FRMD4A: variants seen among roughly 807,000 people sequenced by gnomAD.
The protein encoded by FRMD4A is FERM domain containing 4A, also known as FERM domain-containing protein 4A.
In FRMD4A, 29 loss-of-function variants were observed where a neutral mutation model predicts 129.1. The observed-to-expected ratio is 0.22, with a 90% CI of 0.17 to 0.31. FRMD4A has a LOEUF of 0.31. Among genes scored for constraint, FRMD4A ranks in the 10% least tolerant of loss-of-function variants. FRMD4A has a pLI of 1.00. For missense variants in FRMD4A, 1,272 were observed against 1,375.8 expected (o/e 0.92, Z 1.19); for synonymous variants, 634 against 571.6 (o/e 1.11, Z -1.56).
intron 2 of FRMD4A, among the ~76,000 whole-genome samples, chr10:13,974,986 T>C (rs2095536363): frequency 6.6e-6 from 1 of 151,626 alleles, no homozygotes; most frequent in South Asian, 2.1e-4. Context: ...TATAGGTGTG[T>C]GTGTGTGTGT....
intron 2 of FRMD4A, among the ~76,000 whole-genome samples, chr10:14,195,212 T>G (rs1275817456): frequency 6.6e-6 from 1 of 152,208 alleles, no homozygotes; most frequent in Non-Finnish European, 1.5e-5. Context: ...TTATTTTTGC[T>G]TGAGTGGAAA....
chr10:13,659,553 G>A, intron 20 of FRMD4A, 63 bp from the exon 21 acceptor site: 1 of 1,502,182 alleles, frequency 6.7e-7, no homozygotes, highest in African/African-American at 1.4e-5. Context: ...TGGGGGGCTG[G>A]CTAGTTCAGG....
chr10:13,964,753 C>T (rs1258690742), intron 2 of FRMD4A, among the ~76,000 whole-genome samples: 1 of 150,628 alleles, frequency 6.6e-6, no homozygotes, highest in African/African-American at 2.4e-5. Context: ...CTCACTGCAA[C>T]CTCTGCCTCC....
At chr10:13,867,891 T>A (rs2094394255) in intron 2 of FRMD4A, among the ~76,000 whole-genome samples, 1 of 141,216 alleles carries the variant, frequency 7.1e-6, no homozygotes, top group African/African-American at 2.6e-5. Flanking sequence ...ATATATAATA[T>A]ACAATAAATA....
chr10:14,225,542 T>C (rs1843406527), intron 2 of FRMD4A, among the ~76,000 whole-genome samples: 1 of 152,204 alleles, frequency 6.6e-6, no homozygotes, highest in South Asian at 2.1e-4. Context: ...CCGGCTTCCA[T>C]GCACTGTCCA....
At chr10:13,849,237 C>T (rs2131003414) in intron 3 of FRMD4A, among the ~76,000 whole-genome samples, 1 of 152,278 alleles carries the variant, frequency 6.6e-6, no homozygotes, top group South Asian at 2.1e-4. Flanking sequence ...TGTCTGCTCC[C>T]AGCTTCTGCA....
chr10:14,225,278 A>G (rs147442888), intron 2 of FRMD4A, among the ~76,000 whole-genome samples: 5 of 152,344 alleles, frequency 3.3e-5, no homozygotes, highest in African/African-American at 1.2e-4. Context: ...CCAACCCTCA[A>G]TCCCAACCCC....
rs199847871 is a variant in FRMD4A at position 13,656,788 on chromosome 10, C to A, written c.2801G>T (p.Arg934Leu). The change falls in exon 22 of 25, where the codon CGT (arginine) becomes CTT (leucine). Residue 934 changes from arginine (R) to leucine (L), a missense_variant. Coordinates refer to ENST00000357447, the MANE Select transcript of FRMD4A (RefSeq NM_018027.5). ...VSDELRQWYQ[R>L]STASHKEHSR... Reference sequence around the variant, plus strand: ...GTGCTCCTTGTGCGAGGCGGTGGAACGCTGGTACCACTGGCGCAGCTCGTC... The same window carrying A: ...GTGCTCCTTGTGCGAGGCGGTGGAAAGCTGGTACCACTGGCGCAGCTCGTC... The A allele has an allele frequency of 1.5e-5, 24 of 1,594,250 alleles. No homozygotes were observed. The Admixed American group carries it at 2.8e-4, about 18-fold the overall frequency.
intron 2 of FRMD4A, among the ~76,000 whole-genome samples, chr10:14,306,260 A>T (rs2132097672): frequency 6.6e-6 from 1 of 152,376 alleles, no homozygotes; most frequent in East Asian, 1.9e-4. Flanking sequence ...ACATGTTTTA[A>T]AGCAGAAGAG....
rs2095088402 is a variant in FRMD4A at position 13,922,790 on chromosome 10, T to C, written c.46-63878A>G. 3.3e-5 allele frequency among the ~76,000 whole-genome samples: 5 copies of C among 152,300 alleles called. No individual in the cohort carries two copies. The South Asian group carries it at 1.0e-3, about 32-fold the overall frequency. ...TTTTTTTTCTCTCTCTAGGACATAG[T>C]AGAGCTGAATCATTACAATGAGGCA... is the stretch of plus-strand genomic sequence containing the variant. On this transcript the variant is annotated intron_variant, in intron 2 of 24. Transcript: ENST00000357447.
intron 15 of FRMD4A, among the ~76,000 whole-genome samples, chr10:13,686,720 C>A (rs949131251): frequency 1.3e-5 from 2 of 152,214 alleles, no homozygotes; most frequent in African/African-American, 4.8e-5. Context: ...TCAGTAATCA[C>A]ACAGCCAAAT....
chr10:14,263,213 G>A (rs1225163137), intron 2 of FRMD4A, among the ~76,000 whole-genome samples: 4 of 152,158 alleles, frequency 2.6e-5, no homozygotes, highest in Non-Finnish European at 5.9e-5. Flanking sequence ...ATGACAGCCC[G>A]GTGGCCCAGC....
intron 2 of FRMD4A, among the ~76,000 whole-genome samples, chr10:14,258,314 G>A (rs1191203211): frequency 7.3e-6 from 1 of 137,724 alleles, no homozygotes; most frequent in Non-Finnish European, 1.5e-5. Flanking sequence ...TGATAAAGGG[G>A]TTTTAACTAA....
intron 12 of FRMD4A, among the ~76,000 whole-genome samples, chr10:13,730,589 C>T (rs2090251196): frequency 6.6e-6 from 1 of 152,094 alleles, no homozygotes; most frequent in South Asian, 2.1e-4. Context: ...CTCCTGAGCC[C>T]AGTAGGACGG....
chr10:14,284,934 C>G (rs1845635443), intron 2 of FRMD4A, among the ~76,000 whole-genome samples: 1 of 152,110 alleles, frequency 6.6e-6, no homozygotes, highest in African/African-American at 2.4e-5. Flanking sequence ...TTCCTCTGTC[C>G]TACTACAAAA....
At chr10:14,305,581 T>C (rs1846322907) in intron 2 of FRMD4A, among the ~76,000 whole-genome samples, 1 of 152,198 alleles carries the variant, frequency 6.6e-6, no homozygotes, top group Non-Finnish European at 1.5e-5. Context: ...GTTGGACTCT[T>C]CTTGGTGGTT....
At chr10:14,138,381 G>C (rs1839653812) in intron 2 of FRMD4A, among the ~76,000 whole-genome samples, 1 of 152,178 alleles carries the variant, frequency 6.6e-6, no homozygotes, top group South Asian at 2.1e-4. Context: ...ATGAAGTAAA[G>C]GTTTGATGGC....
intron 16 of FRMD4A, 48 bp downstream of exon 16, chr10:13,674,863 C>T (rs2083840717): frequency 2.5e-6 from 4 of 1,581,218 alleles, no homozygotes; most frequent in South Asian, 1.1e-5. Flanking sequence ...AGATCAGTGA[C>T]ATCACAGACA....
chr10:14,317,222 A>G (rs1450856329), intron 2 of FRMD4A, among the ~76,000 whole-genome samples: 1 of 152,204 alleles, frequency 6.6e-6, no homozygotes, highest in Non-Finnish European at 1.5e-5. Context: ...TTTATTCTGA[A>G]GACATTTCGT....
Sources: gnomAD v4.1 joint callset for allele counts (sites outside exome capture counted in the v4.1 genomes callset) on GRCh38, gnomAD v4.1.1 for gene constraint, MANE v1.5 for transcripts, NCBI Gene and HGNC (gene_info 2026-07-23, HGNC 2026-07-21) for gene names.